The following GALNT8 variants were observed in gnomAD, a reference collection of about 807,000 sequenced individuals.
GALNT8 encodes probable polypeptide N-acetylgalactosaminyltransferase 8.
A neutral mutation model predicts 62.7 loss-of-function variants in GALNT8; 66 were observed. The observed-to-expected ratio is 1.05, with a 90% CI of 0.86 to 1.29. The LOEUF (loss-of-function observed/expected upper bound fraction) is 1.29. Ranked by LOEUF, GALNT8 falls within the 50% of genes most tolerant of loss-of-function variation. The pLI, the probability that GALNT8 is intolerant of heterozygous loss-of-function variation, is 0.00. For missense variants in GALNT8, 771 were observed against 791.8 expected, an observed-to-expected ratio of 0.97 and a Z score of 0.32; for synonymous variants, 288 against 294.3, an observed-to-expected ratio of 0.98 and a Z score of 0.22.
chr12:4,733,017 T>C (rs568728719), intron 2 of GALNT8, among the ~76,000 whole-genome samples: 2 of 150,022 alleles, frequency 1.3e-5, no homozygotes, highest in African/African-American at 4.9e-5. Context: ...GATTCTCTGC[T>C]GGGAGGAGTG....
intron 6 of GALNT8, among the ~76,000 whole-genome samples, chr12:4,756,998 A>G (rs1273592138): frequency 6.6e-6 from 1 of 152,194 alleles, no homozygotes; most frequent in Non-Finnish European, 1.5e-5. Context: ...GGTTCTCCTG[A>G]TAGTGAGTGA....
At position 4,765,474 on chromosome 12, in the gene GALNT8, G is replaced by C; in HGVS notation, c.1689G>C (p.Ala563=). The change falls in exon 10 of 11, where the codon GCG becomes GCC. Residue 563 remains alanine, a synonymous_variant. Transcript: ENST00000252318. ...SDRCLTDPGK[A]EKPTLEPCSK... ...GCTGCCTGACAGACCCTGGCAAGGC[G>C]GAGAAGCCCACCTTAGAACCATGCT... is the stretch of plus-strand genomic sequence containing the variant. 3 of 1,612,846 alleles carry C rather than the reference G, an allele frequency of 1.9e-6. No homozygotes were observed. Among genetic ancestry groups the C allele is most frequent in the Non-Finnish European group, 1.7e-6 (2 of 1,179,806 alleles).
rs987230661 is a variant in GALNT8, at chr12:4,761,079, T to C, written c.1295T>C (p.Val432Ala). 4 of 1,613,912 alleles carry C rather than the reference T, an allele frequency of 2.5e-6. No individual in the cohort carries two copies. The South Asian group carries it at 3.3e-5, about 13-fold the overall frequency. Residue 432 changes from valine (V) to alanine (A), a missense_variant, in exon 7 of 11, where the codon GTG (valine) becomes GCG (alanine). By Grantham distance (64) the Val-to-Ala change is moderately conservative (BLOSUM62 0). Coordinates refer to ENST00000252318, the MANE Select transcript of GALNT8 (RefSeq NM_017417.2). ...GCCTTGAAGCGCAATGCTCTGCGAG[T>C]GGCCGAAATCTGGATGGATGAGCAC... ...TAALKRNALR[V>A]AEIWMDEHKH...
intron 8 of GALNT8, 99 bp downstream of exon 8, chr12:4,763,489 T>C: frequency 1.1e-6 from 1 of 951,432 alleles, no homozygotes; most frequent in Non-Finnish European, 1.6e-6. Context: ...AAGACGCCCT[T>C]CCTACCTCAG....
intron 6 of GALNT8, among the ~76,000 whole-genome samples, chr12:4,748,713 C>T (rs942905126): frequency 2.0e-5 from 3 of 152,044 alleles, no homozygotes; most frequent in African/African-American, 7.2e-5. Flanking sequence ...GGGTCTTTTG[C>T]AGTTCCACAT....
At chr12:4,771,425 G>T (rs1456108350) in intron 10 of GALNT8, among the ~76,000 whole-genome samples, 1 of 152,126 alleles carries the variant, frequency 6.6e-6, no homozygotes, top group Admixed American at 6.5e-5. Context: ...GGCAAATTTT[G>T]GGGGGAGCAA....
intron 2 of GALNT8, among the ~76,000 whole-genome samples, chr12:4,733,431 C>T (rs1012558491): frequency 7.9e-5 from 12 of 151,920 alleles, no homozygotes; most frequent in Admixed American, 2.6e-4. Context: ...AGAGAAGTGT[C>T]GTGAAAGCAT....
Position 4,762,936 on chromosome 12 carries a change from G to A in GALNT8, c.1360-317G>A, listed in dbSNP as rs114627042. On this transcript the variant is annotated intron_variant, in intron 7 of 10. Coordinates refer to ENST00000252318, the MANE Select transcript of GALNT8 (RefSeq NM_017417.2). Reference sequence around the variant, plus strand: ...ATAGACCAAAAAAAAGGGAAGTGACGTACAGACATCGGAAGTGAGGTACAG... The same window carrying A: ...ATAGACCAAAAAAAAGGGAAGTGACATACAGACATCGGAAGTGAGGTACAG... Among the ~76,000 whole-genome samples, 733 of 152,326 alleles carry A rather than the reference G, an allele frequency of 4.8e-3. 10 individuals carry two copies. Among genetic ancestry groups the A allele is most frequent in the African/African-American group, 0.015 (630 of 41,570 alleles).
Position 4,761,614 on chromosome 12 carries a change from T to C in GALNT8, c.1359+471T>C, listed in dbSNP as rs905976378. 1.1e-4 allele frequency among the ~76,000 whole-genome samples: 14 copies of C among 122,324 alleles called. No homozygotes were observed. In the Admixed American group the frequency reaches 1.3e-3, roughly 11 times the overall value. The allele number at this position is 122,324 out of a possible 152,430, so 80.2% of individuals were successfully genotyped here. On this transcript the variant is annotated intron_variant, in intron 7 of 10. Coordinates refer to ENST00000252318, the MANE Select transcript of GALNT8 (RefSeq NM_017417.2). ...CAAGAATGAGGATAGCATTCTTTTT[T>C]AAGTTTTTTTTTTGGTACAGATAGG...
Position 4,765,381 on chromosome 12 carries a change from T to C in GALNT8, c.1596T>C (p.Asn532=), listed in dbSNP as rs1476857366. 1 of 1,432,438 alleles carries C rather than the reference T, an allele frequency of 7.0e-7. No homozygotes were observed. The highest frequency in any genetic ancestry group is 9.4e-7 in the Non-Finnish European group (1 of 1,062,710). 88.7% of individuals were successfully genotyped at this position (1,432,438 alleles called of 1,614,324 possible). The change falls in exon 10 of 11, where the codon AAT becomes AAC. Residue 532 remains asparagine (N), a splice_region_variant and synonymous_variant. Coordinates refer to ENST00000252318, the MANE Select transcript of GALNT8 (RefSeq NM_017417.2). ...TTTTTTTTTTTTTTTTTTTTTAGAA[T>C]GTCTACTATCACCTAACTGGGGAGC... ...MYYCHEFSSQ[N]VYYHLTGELY...
intron 6 of GALNT8, among the ~76,000 whole-genome samples, chr12:4,759,366 T>C (rs1015164997): frequency 2.6e-5 from 4 of 151,718 alleles, no homozygotes; most frequent in African/African-American, 7.3e-5. Flanking sequence ...TGTTACATCA[T>C]TTAATCCCAG....
intron 2 of GALNT8, among the ~76,000 whole-genome samples, chr12:4,737,298 A>G (rs1946249831): frequency 6.6e-6 from 1 of 152,202 alleles, no homozygotes; most frequent in Admixed American, 6.5e-5. Context: ...AACCCTGGGA[A>G]CCAGTGCTAG....
intron 3 of GALNT8, among the ~76,000 whole-genome samples, chr12:4,744,133 T>C (rs1946284403): frequency 6.6e-6 from 1 of 152,228 alleles, no homozygotes; most frequent in Admixed American, 6.5e-5. Flanking sequence ...TTTGAGAGTT[T>C]AGCTATGAAG....
At chr12:4,759,231 A>G (rs1291878198) in intron 6 of GALNT8, among the ~76,000 whole-genome samples, 1 of 152,080 alleles carries the variant, frequency 6.6e-6, no homozygotes, top group Non-Finnish European at 1.5e-5. Context: ...GAGAATAATA[A>G]TATCTGAGTG....
chr12:4,720,709 T>C lies in GALNT8; in HGVS notation c.32T>C (p.Leu11Pro). Residue 11 changes from leucine to proline, a missense_variant, in exon 1 of 11, where the codon CTC becomes CCC. Coordinates refer to ENST00000252318, the MANE Select transcript of GALNT8 (RefSeq NM_017417.2). ...TTTTGGAGGAAACTCCCCAAAGCCC[T>C]CTTCATTGGGCTGACTCTGGCCATT... MMFWRKLPKALFIGLTLAIAV... is the reference protein window; with the variant it reads MMFWRKLPKAPFIGLTLAIAV... 1 of 1,613,516 alleles carries C rather than the reference T, an allele frequency of 6.2e-7. No homozygotes were observed. The highest frequency in any genetic ancestry group is 8.5e-7 in the Non-Finnish European group (1 of 1,179,414).
At chr12:4,720,926 G>GGT (rs764366081) in intron 1 of GALNT8, 38 bp downstream of exon 1, 8 of 1,268,982 alleles carry the variant, frequency 6.3e-6, no homozygotes, top group Non-Finnish European at 9.2e-6. Context: ...TGTGTGTGTG[G>GGT]GTGTGTGTGT....
rs16931672 is a variant in GALNT8, at chr12:4,744,312, C to A, written c.677-205C>A. Among the ~76,000 whole-genome samples, 1,323 of 152,286 alleles carry A rather than the reference C, an allele frequency of 8.7e-3. 20 individuals are homozygous for A. Among genetic ancestry groups the A allele is most frequent in the African/African-American group, 0.03 (1,247 of 41,562 alleles). ...GATAGTTTAACTGTCAGGGAAAGGA[C>A]ATTAGGAATGATCACAGTACACCTC... is the stretch of plus-strand genomic sequence containing the variant. On this transcript the variant is annotated intron_variant, in intron 3 of 10. Transcript: ENST00000252318.
intron 6 of GALNT8, among the ~76,000 whole-genome samples, chr12:4,751,356 G>C (rs923690609): frequency 1.3e-5 from 2 of 152,238 alleles, no homozygotes; most frequent in South Asian, 2.1e-4. Context: ...TGCATCATTA[G>C]ATTGTTTGAA....
intron 8 of GALNT8, among the ~76,000 whole-genome samples, 168 bp downstream of exon 8, chr12:4,763,558 G>C (rs944089995): frequency 6.6e-6 from 1 of 151,984 alleles, no homozygotes. Flanking sequence ...CTTGCTCCCC[G>C]ATCCCCATCT....
Sources: allele counts gnomAD v4.1 joint callset (sites outside exome capture counted in the v4.1 genomes callset), GRCh38; gene constraint gnomAD v4.1.1; transcripts MANE v1.5; gene names NCBI Gene and HGNC (gene_info 2026-07-23, HGNC 2026-07-21).